The following SDK1 variants were observed in gnomAD, a reference collection of about 807,000 sequenced individuals.
The protein encoded by SDK1 is sidekick cell adhesion molecule 1.
A neutral mutation model predicts 245.5 loss-of-function variants in SDK1; 157 were observed. The ratio of observed to expected loss-of-function variants is 0.64; its 90% CI spans 0.56 to 0.73. The LOEUF is 0.73. SDK1 is among the 30% of genes least tolerant of loss of function. SDK1 has a pLI of 0.00. For missense variants in SDK1, 3,583 were observed against 3,002.3 expected (o/e 1.19, Z -4.52); for synonymous variants, 1,647 against 1,278.5 (o/e 1.29, Z -6.15).
chr7:3,577,436 C>A (rs991956507), intron 1 of SDK1, among the ~76,000 whole-genome samples: 1 of 151,906 alleles, frequency 6.6e-6, no homozygotes, highest in African/African-American at 2.4e-5. Context: ...GAGACGTGCT[C>A]CCTTTACTGT....
At chr7:3,820,095 A>C (rs769488018) in intron 4 of SDK1, among the ~76,000 whole-genome samples, 4 of 152,184 alleles carry the variant, frequency 2.6e-5, no homozygotes, top group Non-Finnish European at 5.9e-5. Flanking sequence ...CTCAGAATGC[A>C]TCTTACCTTC....
chr7:3,444,066 G>A (rs1373696608), intron 1 of SDK1, among the ~76,000 whole-genome samples: 1 of 152,210 alleles, frequency 6.6e-6, no homozygotes, highest in African/African-American at 2.4e-5. Flanking sequence ...CTCTCTCCCA[G>A]ACTCCTATAC....
At chr7:4,086,095 C>T (rs1781411153) in intron 22 of SDK1, among the ~76,000 whole-genome samples, 1 of 152,054 alleles carries the variant, frequency 6.6e-6, no homozygotes, top group Non-Finnish European at 1.5e-5. Flanking sequence ...TGTGTACTTC[C>T]TCTTTCTTCC....
rs1460212633 is a variant in SDK1 at position 4,267,718 on chromosome 7, C to T, written c.*2334C>T. ...GATATGTTTGTTGCTCTCGGGTTTTCGATACAACATCATGACACTTCTGTT... is the reference window on the plus strand; with the variant it reads ...GATATGTTTGTTGCTCTCGGGTTTTTGATACAACATCATGACACTTCTGTT... On this transcript the variant is annotated 3_prime_UTR_variant, in exon 45 of 45. Coordinates refer to ENST00000404826, the MANE Select transcript of SDK1 (RefSeq NM_152744.4). 6.1e-5 allele frequency: 60 copies of T among 985,320 alleles called. No individual in the cohort carries two copies. The highest frequency in any genetic ancestry group is 7.0e-5 in the Non-Finnish European group (58 of 829,968). 61.0% of individuals were successfully genotyped at this position (985,320 alleles called of 1,614,324 possible).
intron 26 of SDK1, among the ~76,000 whole-genome samples, chr7:4,128,694 G>A (rs1412375938): frequency 2.1e-5 from 3 of 140,824 alleles, no homozygotes; most frequent in East Asian, 2.4e-4. Context: ...CTTGGGGTGG[G>A]GTGCCCTGGA....
At chr7:4,041,051 T>C (rs1313629694) in intron 17 of SDK1, among the ~76,000 whole-genome samples, 1 of 152,226 alleles carries the variant, frequency 6.6e-6, no homozygotes, top group Non-Finnish European at 1.5e-5. Flanking sequence ...ACTATCTGCC[T>C]AAATAATTTC....
chr7:4,175,739 G>A (rs373168432), intron 33 of SDK1, 36 bp from the exon 34 acceptor site: 106 of 1,588,702 alleles, frequency 6.7e-5, no homozygotes, highest in Non-Finnish European at 7.8e-5. Flanking sequence ...GTGTCCCTGC[G>A]TGCTAACCAC....
Position 3,314,680 on chromosome 7 carries a change from G to A in SDK1, c.298+12796G>A, listed in dbSNP as rs138712144. 4.0e-3 allele frequency among the ~76,000 whole-genome samples: 609 copies of A among 152,290 alleles called. 16 individuals carry two copies. Among genetic ancestry groups the A allele is most frequent in the Admixed American group, 0.037 (561 of 15,290 alleles). On this transcript the variant is annotated intron_variant, in intron 1 of 44. Coordinates refer to ENST00000404826, the MANE Select transcript of SDK1 (RefSeq NM_152744.4). ...GGCCATCTGCATCTCTAACTTTGCT[G>A]TCTTCTGTGGAATGAAAAGCATGAA...
At chr7:4,226,461 C>G (rs575973696) in intron 40 of SDK1, among the ~76,000 whole-genome samples, 1 of 152,350 alleles carries the variant, frequency 6.6e-6, no homozygotes, top group East Asian at 1.9e-4. Context: ...GCCCTCCCAT[C>G]CCCATCCTTC....
intron 4 of SDK1, among the ~76,000 whole-genome samples, chr7:3,724,945 A>G (rs1337674373): frequency 1.3e-5 from 2 of 152,202 alleles, no homozygotes; most frequent in Non-Finnish European, 2.9e-5. Flanking sequence ...TTAAATGTGT[A>G]TTTTAGAAAT....
At chr7:3,940,547 T>C (rs1369844152) in intron 5 of SDK1, among the ~76,000 whole-genome samples, 2 of 152,118 alleles carry the variant, frequency 1.3e-5, no homozygotes, top group African/African-American at 2.4e-5. Context: ...GCCTCCTCTT[T>C]AAAGGTCAGT....
intron 22 of SDK1, among the ~76,000 whole-genome samples, chr7:4,106,404 T>C (rs780916381): frequency 1.3e-5 from 2 of 151,616 alleles, no homozygotes; most frequent in Non-Finnish European, 2.9e-5. Flanking sequence ...CCTGGGTTCA[T>C]GCCATTCTCC....
chr7:3,567,937 C>T (rs1486699219), intron 1 of SDK1, among the ~76,000 whole-genome samples: 1 of 152,208 alleles, frequency 6.6e-6, no homozygotes, highest in Admixed American at 6.5e-5. Context: ...CCACCTCAGC[C>T]TCCTGAGTAG....
intron 25 of SDK1, among the ~76,000 whole-genome samples, chr7:4,118,149 C>T (rs937663623): frequency 6.6e-6 from 1 of 152,120 alleles, no homozygotes; most frequent in African/African-American, 2.4e-5. Flanking sequence ...ATGAAAAAAA[C>T]TCCCCAAATG....
intron 4 of SDK1, among the ~76,000 whole-genome samples, chr7:3,813,701 T>G (rs1779441463): frequency 7.8e-6 from 1 of 127,532 alleles, no homozygotes; most frequent in East Asian, 2.1e-4. Flanking sequence ...ACTTCCACAA[T>G]GGTTGAACTA....
intron 14 of SDK1, among the ~76,000 whole-genome samples, chr7:4,005,156 C>CT (rs1785374212): frequency 6.7e-6 from 1 of 149,236 alleles, no homozygotes; most frequent in South Asian, 2.1e-4. Flanking sequence ...AGCGATTCTC[C>CT]TGCCTCAGCC....
intron 1 of SDK1, among the ~76,000 whole-genome samples, chr7:3,514,702 A>T (rs1583982468): frequency 6.6e-6 from 1 of 152,170 alleles, no homozygotes. Flanking sequence ...GTTTCTGAAT[A>T]TTGCCAAGTA....
intron 1 of SDK1, among the ~76,000 whole-genome samples, chr7:3,308,813 T>C (rs574990897): frequency 1.3e-5 from 2 of 152,222 alleles, no homozygotes; most frequent in South Asian, 4.2e-4. Flanking sequence ...CCTAATTCTT[T>C]ACCTTGAGGG....
At chr7:3,430,777 C>T (rs1285070963) in intron 1 of SDK1, among the ~76,000 whole-genome samples, 1 of 152,226 alleles carries the variant, frequency 6.6e-6, no homozygotes, top group East Asian at 1.9e-4. Context: ...CCTGCCTGTG[C>T]ATGACCTGCT....
Sources: allele counts gnomAD v4.1 joint callset (sites outside exome capture counted in the v4.1 genomes callset), GRCh38; gene constraint gnomAD v4.1.1; transcripts MANE v1.5; gene names NCBI Gene and HGNC (gene_info 2026-07-23, HGNC 2026-07-21).